Variants in PARN observed in about 807,000 individuals in gnomAD.
The protein encoded by PARN is poly(A)-specific ribonuclease.
A neutral mutation model predicts 102.8 loss-of-function variants in PARN; 71 were observed. The observed-to-expected ratio is 0.69, with a 90% CI of 0.57 to 0.84. The LOEUF is 0.84. Ranked by LOEUF, PARN falls within the 40% of genes least tolerant of loss-of-function variation. PARN has a pLI of 0.00. For missense variants in PARN, 782 were observed against 760.9 expected, an observed-to-expected ratio of 1.03 and a Z score of -0.33; for synonymous variants, 261 against 252.9, an observed-to-expected ratio of 1.03 and a Z score of -0.30.
chr16:14,468,383 C>T (rs1962497166), intron 22 of PARN, among the ~76,000 whole-genome samples: 2 of 152,112 alleles, frequency 1.3e-5, no homozygotes, highest in Non-Finnish European at 2.9e-5. Context: ...GGTGGACAGT[C>T]GGTCCATGTT....
At chr16:14,570,122 C>T (rs1968698496) in intron 18 of PARN, among the ~76,000 whole-genome samples, 2 of 151,850 alleles carry the variant, frequency 1.3e-5, no homozygotes, top group South Asian at 2.1e-4. Context: ...GAGCAGATCA[C>T]GAGGTCAGGA....
intron 22 of PARN, among the ~76,000 whole-genome samples, chr16:14,480,893 C>T (rs1403099256): frequency 6.6e-6 from 1 of 151,688 alleles, no homozygotes; most frequent in Non-Finnish European, 1.5e-5. Flanking sequence ...GAGCCAAGAT[C>T]GCACCACTGC....
At chr16:14,437,154 G>T (rs1960740944) in intron 23 of PARN, among the ~76,000 whole-genome samples, 4 of 152,194 alleles carry the variant, frequency 2.6e-5, no homozygotes, top group Admixed American at 2.6e-4. Flanking sequence ...CACCAAGGTG[G>T]TAACACTACC....
In PARN at chr16:14,552,159, C is replaced by T. The variant is rs755707833; in HGVS notation, c.1406-64G>A. On this transcript the variant is annotated intron_variant, in intron 20 of 23. Coordinates refer to ENST00000437198, the MANE Select transcript of PARN (RefSeq NM_002582.4). ...ATGTGGAGAGCTATTAGATTTAATGCGCGTATCTTACATATTTCAGTATAG... is the reference window on the plus strand; with the variant it reads ...ATGTGGAGAGCTATTAGATTTAATGTGCGTATCTTACATATTTCAGTATAG... The T allele has an allele frequency of 1.1e-4, 107 of 952,042 alleles. 1 individual carries two copies. The highest frequency in any genetic ancestry group is 2.1e-4 in the Middle Eastern group (1 of 4,716). 59.0% of individuals were successfully genotyped at this position (952,042 alleles called of 1,614,324 possible).
At chr16:14,532,719 C>T (rs1036977655) in intron 21 of PARN, among the ~76,000 whole-genome samples, 2 of 151,364 alleles carry the variant, frequency 1.3e-5, no homozygotes, top group African/African-American at 4.9e-5. Flanking sequence ...GGCAGAGGCG[C>T]CCCTCACCTC....
chr16:14,618,604 T>C (rs1005966734), intron 5 of PARN, among the ~76,000 whole-genome samples: 2 of 143,774 alleles, frequency 1.4e-5, no homozygotes, highest in African/African-American at 2.6e-5. Flanking sequence ...GAGGTTGCAG[T>C]GAGCCGAGAG....
At chr16:14,487,486 G>A (rs1963777492) in intron 21 of PARN, among the ~76,000 whole-genome samples, 1 of 152,186 alleles carries the variant, frequency 6.6e-6, no homozygotes, top group East Asian at 1.9e-4. Context: ...TGTTTATGAA[G>A]AGGAAGACAA....
chr16:14,582,097 T>G (rs1969566558), intron 17 of PARN, 84 bp downstream of exon 17: 1 of 861,754 alleles, frequency 1.2e-6, no homozygotes. Context: ...TCGACAGTAA[T>G]TTATTACAGC....
intron 21 of PARN, among the ~76,000 whole-genome samples, chr16:14,499,326 G>A (rs190668366): frequency 8.7e-4 from 132 of 152,320 alleles, no homozygotes; most frequent in Non-Finnish European, 1.7e-3. Flanking sequence ...AGTAGGGAGA[G>A]GGAGAGAGCG....
chr16:14,600,096 A>G (rs1970786876), intron 11 of PARN, 136 bp from the exon 12 acceptor site: 2 of 502,810 alleles, frequency 4.0e-6, no homozygotes, highest in Non-Finnish European at 6.9e-6. Flanking sequence ...CTTTGCGCCT[A>G]TCTTCCCAAA....
intron 21 of PARN, among the ~76,000 whole-genome samples, chr16:14,486,774 T>C (rs925833747): frequency 6.6e-6 from 1 of 152,238 alleles, no homozygotes. Context: ...GCAAAATGAA[T>C]TGGCTGTCAA....
intron 5 of PARN, among the ~76,000 whole-genome samples, chr16:14,622,596 T>C (rs1274996690): frequency 6.6e-6 from 1 of 152,192 alleles, no homozygotes; most frequent in Admixed American, 6.5e-5. Context: ...GCTCTGCCTC[T>C]CGGGTTCACA....
chr16:14,444,026 C>T (rs1042491397), intron 23 of PARN, among the ~76,000 whole-genome samples: 2 of 152,184 alleles, frequency 1.3e-5, no homozygotes, highest in African/African-American at 4.8e-5. Context: ...TGCAGACCCT[C>T]AACAGGGCTT....
chr16:14,589,851 A>G (rs979598970), intron 13 of PARN, among the ~76,000 whole-genome samples: 1 of 152,102 alleles, frequency 6.6e-6, no homozygotes, highest in Non-Finnish European at 1.5e-5. Flanking sequence ...TAGGTGACAG[A>G]GTAAGACTCC....
intron 22 of PARN, among the ~76,000 whole-genome samples, chr16:14,447,838 A>G (rs778149008): frequency 1.1e-3 from 169 of 152,298 alleles, no homozygotes; most frequent in Non-Finnish European, 2.0e-3. Context: ...AATTCAAGGC[A>G]TTCTATTTAG....
intron 5 of PARN, among the ~76,000 whole-genome samples, chr16:14,619,791 G>A (rs976677248): frequency 2.0e-5 from 3 of 151,964 alleles, no homozygotes; most frequent in Non-Finnish European, 2.9e-5. Context: ...CAAAAAACAG[G>A]TTGAGTGTGA....
At chr16:14,514,744 C>T (rs1206463840) in intron 21 of PARN, among the ~76,000 whole-genome samples, 1 of 152,122 alleles carries the variant, frequency 6.6e-6, no homozygotes, top group South Asian at 2.1e-4. Flanking sequence ...ATCTGTAATT[C>T]GGCCAGAAGG....
rs1232476265 is a variant in PARN, at chr16:14,627,310, C to T, written c.204G>A (p.Gln68=). 3 of 1,592,778 alleles carry T rather than the reference C, an allele frequency of 1.9e-6. No individual in the cohort carries two copies. The highest frequency in any genetic ancestry group is 2.3e-5 in the East Asian group (1 of 44,420). Residue 68 remains glutamine (Q), a synonymous_variant, in exon 4 of 24, where the codon CAG becomes CAA. Coordinates refer to ENST00000437198, the MANE Select transcript of PARN (RefSeq NM_002582.4). ...KKHSMDFLLF[Q]FGLCTFKYDY... is the part of the protein sequence containing the mutation. ...CATACTTAAAAGTGCAAAGGCCAAA[C>T]TGAAATAGCAAAAAGTCCATGGAAT...
chr16:14,518,214 C>T (rs1965551782), intron 21 of PARN, among the ~76,000 whole-genome samples: 1 of 142,112 alleles, frequency 7.0e-6, no homozygotes, highest in Non-Finnish European at 1.5e-5. Flanking sequence ...ACTTCATATA[C>T]CCAGGAGGTC....
Sources: allele counts gnomAD v4.1 joint callset (sites outside exome capture counted in the v4.1 genomes callset), GRCh38; gene constraint gnomAD v4.1.1; transcripts MANE v1.5; gene names NCBI Gene and HGNC (gene_info 2026-07-23, HGNC 2026-07-21).